DLGAP2: variants seen among roughly 807,000 people sequenced by gnomAD.
DLGAP2 encodes DLG associated protein 2.
Under a neutral mutation model 100.3 loss-of-function variants are expected in DLGAP2, and 26 were observed. That is an observed-to-expected ratio of 0.26 (90% CI 0.19 to 0.36). DLGAP2 has a LOEUF of 0.36. Among genes scored for constraint, DLGAP2 ranks in the 10% least tolerant of loss-of-function variants. The pLI, the probability that DLGAP2 is intolerant of heterozygous loss-of-function variation, is 1.00. For missense variants in DLGAP2, 1,858 were observed against 1,453.2 expected (o/e 1.28, Z -4.53); for synonymous variants, 886 against 630.1 (o/e 1.41, Z -6.08).
intron 2 of DLGAP2, among the ~76,000 whole-genome samples, chr8:1,112,499 C>T (rs146373925): frequency 2.0e-3 from 306 of 152,288 alleles, no homozygotes; most frequent in African/African-American, 6.8e-3. Flanking sequence ...CTCAGCCTTA[C>T]AAAGTGCTGG....
At chr8:1,571,678 G>T (rs1387096489) in intron 6 of DLGAP2, among the ~76,000 whole-genome samples, 1 of 140,044 alleles carries the variant, frequency 7.1e-6, no homozygotes, top group African/African-American at 2.7e-5. Flanking sequence ...GGTGAACTGT[G>T]GGGGCATCTT....
intron 3 of DLGAP2, among the ~76,000 whole-genome samples, chr8:1,424,541 C>T (rs1164032535): frequency 6.6e-6 from 1 of 152,250 alleles, no homozygotes; most frequent in African/African-American, 2.4e-5. Context: ...ACCCTGAGGA[C>T]ACTATGCTGA....
intron 6 of DLGAP2, among the ~76,000 whole-genome samples, chr8:1,591,719 C>T (rs1315124059): frequency 6.6e-6 from 1 of 152,170 alleles, no homozygotes; most frequent in African/African-American, 2.4e-5. Flanking sequence ...CCCACACACC[C>T]GCATATCTCC....
chr8:892,404 G>A (rs189263701), intron 1 of DLGAP2, among the ~76,000 whole-genome samples: 1 of 152,288 alleles, frequency 6.6e-6, no homozygotes, highest in Non-Finnish European at 1.5e-5. Context: ...CTATGGGGTG[G>A]ATGAACCCTG....
chr8:1,557,799 T>G (rs538090810), intron 5 of DLGAP2, among the ~76,000 whole-genome samples: 2 of 152,268 alleles, frequency 1.3e-5, no homozygotes, highest in South Asian at 4.1e-4. Context: ...TCTCCCCTTC[T>G]TAGGAGGATA....
chr8:1,435,574 C>T lies in DLGAP2; in HGVS notation c.107-65792C>T, dbSNP rs74366463. Among the ~76,000 whole-genome samples, 201 of 152,146 alleles carry T rather than the reference C, an allele frequency of 1.3e-3. 2 individuals are homozygous for T. In the East Asian group the frequency reaches 0.034, roughly 26 times the overall value. On this transcript the variant is annotated intron_variant, in intron 3 of 14. Coordinates refer to ENST00000637795, the MANE Select transcript of DLGAP2 (RefSeq NM_001346810.2). ...ATCTTGTGATGGTGCTGACAGACGA[C>T]CATGTTGCTGGTTTATGCATCTGGG...
intron 3 of DLGAP2, among the ~76,000 whole-genome samples, chr8:1,498,202 A>G (rs1157388678): frequency 6.6e-6 from 1 of 152,154 alleles, no homozygotes; most frequent in Non-Finnish European, 1.5e-5. Context: ...GGTTGTGGAG[A>G]TGCAGTTCCC....
At position 1,024,482 on chromosome 8, in the gene DLGAP2, C is replaced by T. The variant is rs186663339; in HGVS notation, c.73+116516C>T. 1.2e-3 allele frequency among the ~76,000 whole-genome samples: 173 copies of T among 150,222 alleles called. 4 individuals carry two copies. Among genetic ancestry groups the T allele is most frequent in the African/African-American group, 4.1e-3 (164 of 39,650 alleles). On this transcript the variant is annotated intron_variant, in intron 2 of 14. Transcript: ENST00000637795. Reference sequence around the variant, plus strand: ...GGACAGTCCCGTGCCGAAGGAGACGCTCCAACCACCACCCATGCCAAGGTA... The same window carrying T: ...GGACAGTCCCGTGCCGAAGGAGACGTTCCAACCACCACCCATGCCAAGGTA...
chr8:1,198,666 C>T (rs890269303), intron 2 of DLGAP2, among the ~76,000 whole-genome samples: 9 of 152,210 alleles, frequency 5.9e-5, no homozygotes, highest in African/African-American at 2.2e-4. Context: ...TCAGGCCCAG[C>T]TCCACCCCAT....
At position 1,565,913 on chromosome 8, in the gene DLGAP2, C is replaced by T. The variant is rs1802381143; in HGVS notation, c.1442+19C>T. On this transcript the variant is annotated intron_variant, in intron 6 of 14. Coordinates refer to ENST00000637795, the MANE Select transcript of DLGAP2 (RefSeq NM_001346810.2). ...ACCAGACGTAAGTGAGACCAGCTGC[C>T]TTCCCACTCCAAGCACTTTCCCACT... is the stretch of plus-strand genomic sequence containing the variant. 3 of 1,570,280 alleles carry T rather than the reference C, an allele frequency of 1.9e-6. No homozygotes were observed.
At chr8:1,185,463 G>A (rs1480741942) in intron 2 of DLGAP2, among the ~76,000 whole-genome samples, 1 of 152,082 alleles carries the variant, frequency 6.6e-6, no homozygotes, top group African/African-American at 2.4e-5. Context: ...ATGCAAGTAG[G>A]ATGCTGAAAT....
chr8:1,506,946 C>T (rs1014601553), intron 4 of DLGAP2, among the ~76,000 whole-genome samples: 3 of 152,098 alleles, frequency 2.0e-5, no homozygotes, highest in African/African-American at 4.8e-5. Context: ...CATAAAAGTT[C>T]TCCAAGTCCC....
chr8:972,623 A>T (rs202097847), intron 2 of DLGAP2, among the ~76,000 whole-genome samples: 45 of 73,762 alleles, frequency 6.1e-4, no homozygotes, highest in Middle Eastern at 5.3e-3. Flanking sequence ...TTTCTTATTT[A>T]TTTATTTATT....
intron 2 of DLGAP2, among the ~76,000 whole-genome samples, chr8:1,174,464 A>G (rs1321214349): frequency 6.6e-6 from 1 of 150,804 alleles, no homozygotes; most frequent in African/African-American, 2.5e-5. Context: ...CATTATCGTC[A>G]TCATTACCAT....
At chr8:931,583 T>C (rs1798959760) in intron 2 of DLGAP2, among the ~76,000 whole-genome samples, 1 of 152,156 alleles carries the variant, frequency 6.6e-6, no homozygotes. Context: ...GACATTTGGC[T>C]CCCGGGAAGC....
intron 2 of DLGAP2, among the ~76,000 whole-genome samples, chr8:1,142,096 T>C (rs1300507331): frequency 6.6e-6 from 1 of 152,046 alleles, no homozygotes; most frequent in African/African-American, 2.4e-5. Context: ...GCTATGAAAT[T>C]GCCATTTTAG....
chr8:1,067,958 C>A (rs1427286118), intron 2 of DLGAP2, among the ~76,000 whole-genome samples: 1 of 152,146 alleles, frequency 6.6e-6, no homozygotes, highest in Non-Finnish European at 1.5e-5. Context: ...TCCGCCCACT[C>A]CTCCCTCCCT....
chr8:1,605,187 C>G (rs533803292), intron 6 of DLGAP2, among the ~76,000 whole-genome samples: 2 of 152,268 alleles, frequency 1.3e-5, no homozygotes, highest in East Asian at 3.9e-4. Flanking sequence ...TACCCAGGTT[C>G]ATACGGTGAG....
chr8:856,499 T>G (rs1035238867), intron 1 of DLGAP2, among the ~76,000 whole-genome samples: 2 of 152,186 alleles, frequency 1.3e-5, no homozygotes, highest in Non-Finnish European at 2.9e-5. Flanking sequence ...TGGAAAAATC[T>G]TCTGAAACTA....
Sources: gnomAD v4.1 joint callset for allele counts (sites outside exome capture counted in the v4.1 genomes callset) on GRCh38, gnomAD v4.1.1 for gene constraint, MANE v1.5 for transcripts, NCBI Gene and HGNC (gene_info 2026-07-23, HGNC 2026-07-21) for gene names.